FOXP4: variants seen among roughly 807,000 people sequenced by gnomAD.
FOXP4 encodes the protein forkhead box P4, also known as forkhead box protein P4.
In FOXP4, 25 loss-of-function variants were observed where a neutral mutation model predicts 82.6. The ratio of observed to expected loss-of-function variants is 0.30; its 90% CI spans 0.22 to 0.42. FOXP4 has a LOEUF of 0.42. Among genes scored for constraint, FOXP4 ranks in the 10% least tolerant of loss-of-function variants. The pLI, the probability that FOXP4 is intolerant of heterozygous loss-of-function variation, is 1.00. For synonymous variants in FOXP4, 415 were observed against 388.2 expected (o/e 1.07, Z -0.81); for missense variants, 785 against 900.9 (o/e 0.87, Z 1.65).
At chr6:41,552,905 A>G (rs540052425) in intron 1 of FOXP4, among the ~76,000 whole-genome samples, 1 of 151,174 alleles carries the variant, frequency 6.6e-6, no homozygotes, top group Non-Finnish European at 1.5e-5. Context: ...TTCCTAACTC[A>G]CTCTTCGGCC....
At position 41,587,486 on chromosome 6, in the gene FOXP4, T is replaced by C. The variant is rs1328012551; in HGVS notation, c.846T>C (p.Pro282=). 1 of 1,528,564 alleles carries C rather than the reference T, an allele frequency of 6.5e-7. No individual in the cohort carries two copies. Among genetic ancestry groups the C allele is most frequent in the South Asian group, 1.3e-5 (1 of 77,030 alleles). 94.7% of individuals were successfully genotyped at this position (1,528,564 alleles called of 1,614,324 possible). Residue 282 remains proline (P), a synonymous_variant, in exon 7 of 17, where the codon CCT becomes CCC. Transcript: ENST00000307972. ...LSHHTLPNGQ[P]TVLTSRRDSS... ...ACCATACCCTGCCCAACGGACAGCC[T>C]ACTGTGCTCACATCTCGGAGAGACA...
At chr6:41,565,307 C>A (rs1764809585) in intron 1 of FOXP4, among the ~76,000 whole-genome samples, 1 of 152,168 alleles carries the variant, frequency 6.6e-6, no homozygotes, top group African/African-American at 2.4e-5. Flanking sequence ...CTGCAGTGAG[C>A]CGAGATCGCA....
intron 1 of FOXP4, among the ~76,000 whole-genome samples, chr6:41,550,081 G>C (rs2127300952): frequency 6.6e-6 from 1 of 152,208 alleles, no homozygotes; most frequent in African/African-American, 2.4e-5. Context: ...GGACTCTCAG[G>C]CTCCGTTGGC....
chr6:41,585,357 GC>G, intron 4 of FOXP4, 73 bp from the exon 5 acceptor site: 1 of 1,464,046 alleles, frequency 6.8e-7, no homozygotes, highest in East Asian at 2.3e-5. Context: ...GCCCCCAGGA[GC>G]CCAGATGGGA....
Position 41,589,960 on chromosome 6 carries a change from C to T in FOXP4, c.1150-3C>T, listed in dbSNP as rs765129822. ...GTCTCAGTACCCTCCCCGTTGCTCA[C>T]AGCTGAACCCGGTCCCCGGCTCCTC... On this transcript the variant is annotated splice_polypyrimidine_tract_variant and splice_region_variant and intron_variant, in intron 10 of 16. Transcript: ENST00000307972. 10 of 1,613,830 alleles carry T rather than the reference C, an allele frequency of 6.2e-6. No homozygotes were observed. The South Asian group carries it at 1.1e-4, about 18-fold the overall frequency.
chr6:41,549,935 T>C lies in FOXP4; in HGVS notation c.-17+3068T>C, dbSNP rs1581692009. Among the ~76,000 whole-genome samples, 2 of 152,312 alleles carry C rather than the reference T, an allele frequency of 1.3e-5. 1 individual carries two copies. Among genetic ancestry groups the C allele is most frequent in the Non-Finnish European group, 2.9e-5 (2 of 68,016 alleles). On this transcript the variant is annotated intron_variant, in intron 1 of 16. Coordinates refer to ENST00000307972, the MANE Select transcript of FOXP4 (RefSeq NM_001012426.2). ...CCCATCCTAAGCAGGCACAATGTCT[T>C]TATTTTTTGAATAGCCTAAACTGTG... is the stretch of plus-strand genomic sequence containing the variant.
chr6:41,561,916 G>T (rs1001841238), intron 1 of FOXP4, among the ~76,000 whole-genome samples: 1 of 152,204 alleles, frequency 6.6e-6, no homozygotes, highest in African/African-American at 2.4e-5. Context: ...CCCTAGCCAG[G>T]GTTCAGGCTC....
intron 14 of FOXP4, 115 bp downstream of exon 14, chr6:41,595,106 G>T (rs1766753865): frequency 6.7e-7 from 1 of 1,490,774 alleles, no homozygotes; most frequent in Admixed American, 2.0e-5. Flanking sequence ...CTGGCTGGGG[G>T]AAGGGGTGTG....
chr6:41,552,389 A>G (rs1222859560), intron 1 of FOXP4, among the ~76,000 whole-genome samples: 2 of 152,092 alleles, frequency 1.3e-5, no homozygotes, highest in African/African-American at 4.8e-5. Context: ...AGGCTTTTTG[A>G]GGCTGCGTCT....
intron 1 of FOXP4, among the ~76,000 whole-genome samples, chr6:41,560,983 G>C (rs1225152955): frequency 6.6e-6 from 1 of 152,154 alleles, no homozygotes; most frequent in African/African-American, 2.4e-5. Context: ...CGTCACTTCC[G>C]GCCAGGGAGG....
chr6:41,578,050 A>T lies in FOXP4; in HGVS notation c.269A>T (p.Asn90Ile). 1.2e-6 allele frequency: 2 copies of T among 1,613,648 alleles called. No individual in the cohort carries two copies. The highest frequency in any genetic ancestry group is 1.1e-5 in the South Asian group (1 of 91,078). ...TCAGGCCTGAGCTCCCCAGGGAACA[A>T]TGACAGCAAACAGTCTGCCTCTGCT... The part of the protein sequence containing the change: ...QASGLSSPGN[N>I]DSKQSASAVQ... Residue 90 changes from asparagine to isoleucine, a missense_variant, in exon 3 of 17, where the codon AAT becomes ATT. Asn to Ile is a moderately radical substitution (Grantham distance 149, BLOSUM62 -3). Around this residue, in one of 3 missense-constraint regions of FOXP4, gnomAD observed 570 missense variants for 634.0 expected, o/e 0.90. Coordinates refer to ENST00000307972, the MANE Select transcript of FOXP4 (RefSeq NM_001012426.2).
chr6:41,576,277 T>C (rs1409019338), intron 2 of FOXP4, among the ~76,000 whole-genome samples: 1 of 152,104 alleles, frequency 6.6e-6, no homozygotes, highest in Non-Finnish European at 1.5e-5. Context: ...TTCCCGTCAA[T>C]AGGCCAGTGC....
chr6:41,586,877 G>C, intron 5 of FOXP4, 132 bp from the exon 6 acceptor site: 1 of 1,398,962 alleles, frequency 7.1e-7, no homozygotes, highest in Non-Finnish European at 9.4e-7. Flanking sequence ...AGACACTGCA[G>C]CTGCAGACGC....
At chr6:41,567,641 A>G (rs9296365) in intron 2 of FOXP4, among the ~76,000 whole-genome samples, 53,182 of 152,114 alleles carry the variant, frequency 0.35, 9,896 homozygotes, top group African/African-American at 0.48. Context: ...CTGAAACTGG[A>G]AAGTTTCTTT....
At chr6:41,573,389 T>G (rs1581739801) in intron 2 of FOXP4, among the ~76,000 whole-genome samples, 1 of 152,084 alleles carries the variant, frequency 6.6e-6, no homozygotes, top group African/African-American at 2.4e-5. Flanking sequence ...AGCTTCATTC[T>G]CCACCATCCC....
chr6:41,572,339 C>T (rs1419321028), intron 2 of FOXP4, among the ~76,000 whole-genome samples: 2 of 152,154 alleles, frequency 1.3e-5, no homozygotes, highest in Non-Finnish European at 2.9e-5. Context: ...ATGGGACACT[C>T]GCCACCAGCT....
At chr6:41,551,383 C>T (rs1338460872) in intron 1 of FOXP4, among the ~76,000 whole-genome samples, 1 of 152,140 alleles carries the variant, frequency 6.6e-6, no homozygotes, top group African/African-American at 2.4e-5. Flanking sequence ...GGTCTTTTCC[C>T]GGCTGTCCCT....
At position 41,587,875 on chromosome 6, in the gene FOXP4, G is replaced by T; in HGVS notation, c.955G>T (p.Glu319Ter). Reference protein sequence around the residue: ...CKWPGCETLCEDLGQFIKHLN... With the variant: ...CKWPGCETLC ...GTGGCCAGGCTGTGAGACCCTGTGT[G>T]AAGACCTGGGCCAGTTTATCAAGTA... Residue 319 changes from glutamate (E) to a stop codon, truncating the protein, a stop_gained, in exon 8 of 17, where the codon GAA becomes TAA. Coordinates refer to ENST00000307972, the MANE Select transcript of FOXP4 (RefSeq NM_001012426.2). LOFTEE classifies it high-confidence loss of function. 1 of 1,561,548 alleles carries T rather than the reference G, an allele frequency of 6.4e-7. No individual in the cohort carries two copies. Among genetic ancestry groups the T allele is most frequent in the East Asian group, 2.4e-5 (1 of 41,818 alleles).
chr6:41,578,036 C>T lies in FOXP4; in HGVS notation c.255C>T (p.Ser85=), dbSNP rs753714147. 10 of 1,613,446 alleles carry T rather than the reference C, an allele frequency of 6.2e-6. No homozygotes were observed. Among genetic ancestry groups the T allele is most frequent in the Non-Finnish European group, 8.5e-6 (10 of 1,180,016 alleles). ...TGCTGCAGCAGGCCTCAGGCCTGAG[C>T]TCCCCAGGGAACAATGACAGCAAAC... The part of the protein sequence containing the change: ...QFLLQQASGL[S]SPGNNDSKQS... The change falls in exon 3 of 17, where the codon AGC becomes AGT. Residue 85 remains serine, a synonymous_variant. Coordinates refer to ENST00000307972, the MANE Select transcript of FOXP4 (RefSeq NM_001012426.2).
Sources: gnomAD v4.1 joint callset for allele counts (sites outside exome capture counted in the v4.1 genomes callset) on GRCh38, gnomAD v4.1.1 for gene constraint, gnomAD v4.1.1 regional missense constraint, MANE v1.5 for transcripts, NCBI Gene and HGNC (gene_info 2026-07-23, HGNC 2026-07-21) for gene names.